SEC16A: variants seen among roughly 807,000 people sequenced by gnomAD.
SEC16A encodes the protein protein transport protein Sec16A.
Under a neutral mutation model 221.9 loss-of-function variants are expected in SEC16A, and 110 were observed. That is an observed-to-expected ratio of 0.50 (90% confidence interval 0.42 to 0.58). The LOEUF (loss-of-function observed/expected upper bound fraction) is 0.58. Ranked by LOEUF, SEC16A falls within the 20% of genes least tolerant of loss-of-function variation. The pLI, the probability that SEC16A is intolerant of heterozygous loss-of-function variation, is 0.00. For synonymous variants in SEC16A, 1,393 were observed against 1,257.7 expected (o/e 1.11, Z -2.28); for missense variants, 3,165 against 3,097.8 (o/e 1.02, Z -0.52).
rs929893438 is a variant in SEC16A at position 136,466,672 on chromosome 9, G to A, written c.3930-210C>T. 7.9e-5 allele frequency among the ~76,000 whole-genome samples: 12 copies of A among 152,202 alleles called. No homozygotes were observed. Among genetic ancestry groups the A allele is most frequent in the South Asian group, 4.1e-4 (2 of 4,836 alleles). ...TGGTCACTTCTCTGGGCTGCAGGGCGCGACCGGTAAGAAGGGACGATGAGA... is the reference window on the plus strand; with the variant it reads ...TGGTCACTTCTCTGGGCTGCAGGGCACGACCGGTAAGAAGGGACGATGAGA... On this transcript the variant is annotated intron_variant, in intron 6 of 31. Transcript: ENST00000684901. This position sits in a 1 kb window ranked among gnomAD's most constrained non-coding sequence, Gnocchi z 5.5.
rs750504277 is a variant in SEC16A, at chr9:136,463,020, A to C, written c.4760T>G (p.Val1587Gly). The C allele has an allele frequency of 1.9e-6, 3 of 1,612,156 alleles. No homozygotes were observed. In the East Asian group the frequency reaches 6.7e-5, roughly 36 times the overall value. ...AGACTCCTCCTCTTCCACCTGCTCC[A>C]CTGCCTCATTCGTGAAATCAATCAG... ...ANLIDFTNEA[V>G]EQVEEEESGE... is the part of the protein sequence containing the mutation. Residue 1587 changes from valine to glycine, a missense_variant, in exon 12 of 32, where the codon GTG becomes GGG. This residue lies in a region of SEC16A where 1,088 missense variants were observed against 1,089.6 expected (regional missense o/e 1.00). Coordinates refer to ENST00000684901, the MANE Select transcript of SEC16A (RefSeq NM_014866.2).
Position 136,476,171 on chromosome 9 carries a change from G to T in SEC16A, c.1445C>A (p.Ser482Tyr), listed in dbSNP as rs373101405. The T allele has an allele frequency of 3.8e-5, 62 of 1,613,890 alleles. No homozygotes were observed. In the African/African-American group the frequency reaches 5.9e-4, roughly 15 times the overall value. ...PSEPLNLDPS[S>Y]PSDQFRYGPL... ...CCCATATCTGAACTGGTCACTCGGG[G>T]AGGAAGGGTCCAAATTGAGGGGCTC... Residue 482 changes from serine to tyrosine, a missense_variant, in exon 3 of 32, where the codon TCC becomes TAC. Transcript: ENST00000684901.
At chr9:136,460,717 G>A (rs775441669) in intron 13 of SEC16A, among the ~76,000 whole-genome samples, 18 of 151,704 alleles carry the variant, frequency 1.2e-4, no homozygotes, top group Non-Finnish European at 1.6e-4. Flanking sequence ...TTTTGAGACC[G>A]GCCTGGCCAA....
intron 23 of SEC16A, chr9:136,448,779 T>C: frequency 1.5e-6 from 1 of 668,598 alleles, no homozygotes; most frequent in Non-Finnish European, 2.7e-6. Flanking sequence ...ACCAGGAGGA[T>C]GGAGGTGGGG....
Position 136,459,341 on chromosome 9 carries a change from A to C in SEC16A, c.5304-102T>G. Reference sequence around the variant, plus strand: ...CAGAAGTGTGTCCCACCACGTGACAAATAAAGACATGATTCTGGCCATTTC... The same window carrying C: ...CAGAAGTGTGTCCCACCACGTGACACATAAAGACATGATTCTGGCCATTTC... On this transcript the variant is annotated intron_variant, in intron 16 of 31. Transcript: ENST00000684901. This position sits in a 1 kb window ranked among gnomAD's most constrained non-coding sequence, Gnocchi z 6.1. The C allele has an allele frequency of 1.4e-6, 2 of 1,412,504 alleles. No homozygotes were observed. Among genetic ancestry groups the C allele is most frequent in the Non-Finnish European group, 2.0e-6 (2 of 1,012,990 alleles). 87.5% of individuals were successfully genotyped at this position (1,412,504 alleles called of 1,614,324 possible).
rs373043747 is a variant in SEC16A, at chr9:136,477,487, C to T, written c.129G>A (p.Pro43=). The T allele has an allele frequency of 1.1e-5, 17 of 1,613,828 alleles. No individual in the cohort carries two copies. Among genetic ancestry groups the T allele is most frequent in the Non-Finnish European group, 1.1e-5 (13 of 1,179,906 alleles). Reference sequence around the variant, plus strand: ...TGACCGGCTGCAACGGGCAAGTTGTCGGAGCCACTGCTGCATTATTATTAG... The same window carrying T: ...TGACCGGCTGCAACGGGCAAGTTGTTGGAGCCACTGCTGCATTATTATTAG... The part of the protein sequence containing the change: ...RRANNNAAVA[P]TTCPLQPVTD... The change falls in exon 3 of 32, where the codon CCG becomes CCA. Residue 43 remains proline (P), a synonymous_variant. Transcript: ENST00000684901.
In SEC16A at chr9:136,456,092, C is replaced by T. The variant is rs374142697; in HGVS notation, c.5625G>A (p.Thr1875=). 9.3e-6 allele frequency: 15 copies of T among 1,612,952 alleles called. No individual in the cohort carries two copies. The highest frequency in any genetic ancestry group is 1.3e-5 in the African/African-American group (1 of 74,902). Residue 1875 remains threonine (T), a synonymous_variant, in exon 19 of 32, where the codon ACG becomes ACA. Transcript: ENST00000684901. ...KPEEESLAAP[T]WLVHLQQVER... ...CCACCTGCTGCAGGTGAACCAGCCA[C>T]GTGGGTGCGGCCAAGGACTCCTCTT...
At chr9:136,463,338 G>A in intron 11 of SEC16A, 125 bp downstream of exon 11, 3 of 1,334,976 alleles carry the variant, frequency 2.2e-6, no homozygotes, top group Non-Finnish European at 3.1e-6. Flanking sequence ...GCTTCCTAAG[G>A]GGGCCCTCGA....
At chr9:136,452,674 G>A (rs1838001908) in intron 22 of SEC16A, among the ~76,000 whole-genome samples, 1 of 148,132 alleles carries the variant, frequency 6.8e-6, no homozygotes, top group Non-Finnish European at 1.5e-5. Flanking sequence ...GGCTGAGGCT[G>A]GAGAATCACT....
At chr9:136,481,513 G>C (rs923866506) in intron 1 of SEC16A, among the ~76,000 whole-genome samples, 1 of 152,202 alleles carries the variant, frequency 6.6e-6, no homozygotes, top group African/African-American at 2.4e-5. Context: ...TCTTGAAAAT[G>C]CAGTATTCAT....
intron 4 of SEC16A, among the ~76,000 whole-genome samples, chr9:136,471,004 G>C (rs1439140687): frequency 6.6e-6 from 1 of 152,130 alleles, no homozygotes; most frequent in Non-Finnish European, 1.5e-5. Flanking sequence ...CCTGAGTGGA[G>C]ATGAAAATCA....
At position 136,466,306 on chromosome 9, in the gene SEC16A, G is replaced by A. The variant is rs367980373; in HGVS notation, c.4086C>T (p.Ser1362=). The A allele has an allele frequency of 3.2e-6, 5 of 1,568,460 alleles. No homozygotes were observed. The African/African-American group carries it at 5.4e-5, about 17-fold the overall frequency. Residue 1362 remains serine (S), a synonymous_variant, in exon 7 of 32, where the codon AGC becomes AGT. Coordinates refer to ENST00000684901, the MANE Select transcript of SEC16A (RefSeq NM_014866.2). This position sits in a 1 kb window ranked among gnomAD's most constrained non-coding sequence, Gnocchi z 5.5. ...TGAGGCTGCTGCGGCGGCTGGCCAG[G>A]CTGTGTGCGCTGTGCAGGCTCCGTG... The part of the protein sequence containing the change: ...HSARSLHSAH[S]LASRRSSLSS...
At position 136,451,372 on chromosome 9, in the gene SEC16A, G is replaced by A. The variant is rs748305074; in HGVS notation, c.6196C>T (p.Pro2066Ser). The A allele has an allele frequency of 6.2e-6, 10 of 1,612,642 alleles. No individual in the cohort carries two copies. Among genetic ancestry groups the A allele is most frequent in the Non-Finnish European group, 5.9e-6 (7 of 1,179,422 alleles). The change falls in exon 23 of 32, where the codon CCA (proline) becomes TCA (serine). Residue 2066 changes from proline to serine, a missense_variant. Physicochemically the swap from Pro to Ser is moderately conservative, Grantham distance 74 (BLOSUM62 -1). Transcript: ENST00000684901. Reference sequence around the variant, plus strand: ...CCCGAGTCGGCACGATCCCACCCTGGGGGGGCCTCCGAGTCTGGCACCGTC... The same window carrying A: ...CCCGAGTCGGCACGATCCCACCCTGAGGGGGCCTCCGAGTCTGGCACCGTC... ...SRTVPDSEAPPGWDRADSGPT... is the reference protein window; with the variant it reads ...SRTVPDSEAPSGWDRADSGPT...
At chr9:136,472,466 G>C (rs1176024237) in intron 3 of SEC16A, among the ~76,000 whole-genome samples, 1 of 152,230 alleles carries the variant, frequency 6.6e-6, no homozygotes, top group Non-Finnish European at 1.5e-5. Flanking sequence ...ACTTCTGGAA[G>C]GGGCTGTTAG....
At position 136,460,041 on chromosome 9, in the gene SEC16A, C is replaced by A; in HGVS notation, c.5073+1G>T. On this transcript the variant is annotated splice_donor_variant, in intron 14 of 31. Coordinates refer to ENST00000684901, the MANE Select transcript of SEC16A (RefSeq NM_014866.2). LOFTEE classifies it high-confidence loss of function. Reference sequence around the variant, plus strand: ...GCAAGCCACCAGGCAGTGCCACTCACCGTGGACGCGGCAGGCATCCGTCCG... The same window carrying A: ...GCAAGCCACCAGGCAGTGCCACTCAACGTGGACGCGGCAGGCATCCGTCCG... 1 of 1,600,850 alleles carries A rather than the reference C, an allele frequency of 6.2e-7. No homozygotes were observed. Among genetic ancestry groups the A allele is most frequent in the Non-Finnish European group, 8.5e-7 (1 of 1,173,646 alleles).
Position 136,475,421 on chromosome 9 carries a change from G to A in SEC16A, c.2195C>T (p.Pro732Leu). 1 of 1,610,872 alleles carries A rather than the reference G, an allele frequency of 6.2e-7. No homozygotes were observed. The highest frequency in any genetic ancestry group is 8.5e-7 in the Non-Finnish European group (1 of 1,177,906). The change falls in exon 3 of 32, where the codon CCA becomes CTA. Residue 732 changes from proline to leucine, a missense_variant. Pro to Leu is a moderately conservative substitution (Grantham distance 98). Coordinates refer to ENST00000684901, the MANE Select transcript of SEC16A (RefSeq NM_014866.2). This position sits in a 1 kb window ranked among gnomAD's most constrained non-coding sequence, Gnocchi z 5.0. ...CAGAAGGACGTTGCCTCCAAAATCTGGCAGCTCACTTTGCGCCCACAGAGT... is the reference window on the plus strand; with the variant it reads ...CAGAAGGACGTTGCCTCCAAAATCTAGCAGCTCACTTTGCGCCCACAGAGT... ...ATTLWAQSEL[P>L]DFGGNVLLAP...
At chr9:136,457,285 G>A (rs12684483) in intron 18 of SEC16A, among the ~76,000 whole-genome samples, 159 bp downstream of exon 18, 3,052 of 152,368 alleles carry the variant, frequency 0.02, 48 homozygotes, top group Non-Finnish European at 0.032. Context: ...CGCAAAACAC[G>A]AAGCCATTCA....
At chr9:136,462,537 T>C (rs992787744) in intron 12 of SEC16A, among the ~76,000 whole-genome samples, 1 of 152,236 alleles carries the variant, frequency 6.6e-6, no homozygotes, top group African/African-American at 2.4e-5. Flanking sequence ...GACTCGAGTC[T>C]GACTTTGTGA....
intron 1 of SEC16A, among the ~76,000 whole-genome samples, chr9:136,481,423 C>T (rs1399955506): frequency 6.6e-6 from 1 of 152,244 alleles, no homozygotes; most frequent in Non-Finnish European, 1.5e-5. Context: ...CAGGCATGAG[C>T]CACCGCGCCC....
Sources: gnomAD v4.1 joint callset for allele counts (sites outside exome capture counted in the v4.1 genomes callset) on GRCh38, gnomAD v4.1.1 for gene constraint, gnomAD v4.1.1 regional missense constraint, Gnocchi (gnomAD v3.1) non-coding constraint, MANE v1.5 for transcripts, NCBI Gene and HGNC (gene_info 2026-07-23, HGNC 2026-07-21) for gene names.